The following VASH2 variants were observed in gnomAD, a reference collection of about 807,000 sequenced individuals.
VASH2 encodes tubulinyl-Tyr carboxypeptidase 2.
In VASH2, 28 loss-of-function variants were observed where a neutral mutation model predicts 37.2. That is an observed-to-expected ratio of 0.75 (90% CI 0.56 to 1.03). VASH2 has a LOEUF of 1.03. VASH2 is among the 50% of genes least tolerant of loss of function. The probability of loss-of-function intolerance (pLI) is 0.00; values close to 1 mark genes in which losing one functional copy is unlikely to be tolerated. For synonymous variants in VASH2, 188 were observed against 174.7 expected (o/e 1.08, Z -0.60); for missense variants, 419 against 459.1 (o/e 0.91, Z 0.80).
intron 2 of VASH2, chr1:212,952,462 T>C (rs534016133): frequency 1.0e-4 from 16 of 152,670 alleles, no homozygotes; most frequent in African/African-American, 3.8e-4. Context: ...AGAAAGACTT[T>C]TGGCTGAGAC....
Position 212,990,516 on chromosome 1 carries a change from A to G in VASH2, c.*1932A>G, listed in dbSNP as rs1165423709. ...CTTACATCTAATAAGTAGACCTCTT[A>G]TAACACTGCAACCATTCTAAGAGTT... On this transcript the variant is annotated 3_prime_UTR_variant, in exon 8 of 8. Transcript: ENST00000517399. 2.0e-5 allele frequency: 3 copies of G among 152,228 alleles called. No individual in the cohort carries two copies. In the East Asian group the frequency reaches 5.8e-4, roughly 29 times the overall value. 9.4% of individuals were successfully genotyped at this position (152,228 alleles called of 1,614,324 possible). A position where few individuals can be genotyped will look rare whatever the true frequency, so the allele number is the denominator to read the frequency against.
chr1:212,956,866 T>TA (rs2102620876), intron 2 of VASH2, among the ~76,000 whole-genome samples: 1 of 152,322 alleles, frequency 6.6e-6, no homozygotes, highest in South Asian at 2.1e-4. Flanking sequence ...GAGAGAGAGA[T>TA]ATATATATGA....
chr1:212,974,581 A>T (rs1197921159), intron 7 of VASH2: 1 of 151,952 alleles, frequency 6.6e-6, no homozygotes, highest in Non-Finnish European at 1.5e-5. Flanking sequence ...GGCTAACTCT[A>T]CCCTCTCCGT....
In VASH2 at chr1:212,951,473, GC is replaced by G. The variant is rs1666301099; in HGVS notation, c.-64del. 4.0e-6 allele frequency: 4 copies of G among 993,368 alleles called. No individual in the cohort carries two copies. The highest frequency in any genetic ancestry group is 5.6e-5 in the East Asian group (1 of 17,888). The allele number at this position is 993,368 out of a possible 1,614,324, so 61.5% of individuals were successfully genotyped here. Reference sequence around the variant, plus strand: ...CCCCTCGCCGCGCCCGCGCGCACACGCCCCCCGCCGCCGCCGCCGCTGCCGC... The same window carrying G: ...CCCCTCGCCGCGCCCGCGCGCACACGCCCCCGCCGCCGCCGCCGCTGCCGC... On this transcript the variant is annotated 5_prime_UTR_variant, in exon 2 of 8. Coordinates refer to ENST00000517399, the MANE Select transcript of VASH2 (RefSeq NM_001301056.2). This position sits in a 1 kb window ranked among gnomAD's most constrained non-coding sequence, Gnocchi z 4.4.
chr1:212,956,579 T>A (rs114357039), intron 2 of VASH2, among the ~76,000 whole-genome samples: 2,750 of 152,202 alleles, frequency 0.018, 37 homozygotes, highest in Non-Finnish European at 0.03. Flanking sequence ...GGGACCCCAG[T>A]CACGAACAGA....
intron 5 of VASH2, 92 bp from the exon 6 acceptor site, chr1:212,972,488 C>A: frequency 6.7e-7 from 1 of 1,497,200 alleles, no homozygotes. Flanking sequence ...GGGGGATGGA[C>A]TCACTGAACC....
chr1:212,958,981 G>C (rs1275274998), intron 2 of VASH2, among the ~76,000 whole-genome samples: 1 of 151,800 alleles, frequency 6.6e-6, no homozygotes, highest in Non-Finnish European at 1.5e-5. Context: ...TGCCCACCTC[G>C]GCCTCCCAAA....
chr1:212,968,480 C>G (rs913967686), intron 5 of VASH2: 1 of 985,310 alleles, frequency 1.0e-6, no homozygotes, highest in African/African-American at 1.7e-5. Flanking sequence ...AATCTCTGTG[C>G]CTCTCTGCAG....
chr1:212,973,076 A>G, intron 6 of VASH2, 115 bp downstream of exon 6: 1 of 1,369,672 alleles, frequency 7.3e-7, no homozygotes. Context: ...TCTTGAGGTT[A>G]AAGTCTCTCT....
At chr1:212,986,642 A>C (rs1209263112) in intron 7 of VASH2, among the ~76,000 whole-genome samples, 1 of 152,198 alleles carries the variant, frequency 6.6e-6, no homozygotes, top group Admixed American at 6.5e-5. Flanking sequence ...GGCCTGTAGC[A>C]GTGGCTTTGT....
intron 7 of VASH2, among the ~76,000 whole-genome samples, chr1:212,985,808 T>C (rs1176306241): frequency 6.6e-6 from 1 of 152,194 alleles, no homozygotes; most frequent in African/African-American, 2.4e-5. Flanking sequence ...GAAGGGCACA[T>C]ACCAGTTGTC....
At position 212,987,508 on chromosome 1, in the gene VASH2, AG is replaced by A. The variant is rs1226979417; in HGVS notation, c.996-1002del. ...AGAATCACTTGAACTGGGGAGGCAGAGGTTGCAGTGAGCCAAGATTGTGCCA... is the reference window on the plus strand; with the variant it reads ...AGAATCACTTGAACTGGGGAGGCAGAGTTGCAGTGAGCCAAGATTGTGCCA... On this transcript the variant is annotated intron_variant, in intron 7 of 7. Transcript: ENST00000517399. Among the ~76,000 whole-genome samples, 3 of 152,228 alleles carry A rather than the reference AG, an allele frequency of 2.0e-5. No individual in the cohort carries two copies. The East Asian group carries it at 5.8e-4, about 29-fold the overall frequency.
chr1:212,957,250 A>G (rs887193047), intron 2 of VASH2, among the ~76,000 whole-genome samples: 1 of 152,244 alleles, frequency 6.6e-6, no homozygotes, highest in Non-Finnish European at 1.5e-5. Context: ...ACCATCGTAT[A>G]TTCCGTGGTG....
chr1:212,960,837 A>T (rs1168081042), intron 2 of VASH2, among the ~76,000 whole-genome samples: 1 of 152,000 alleles, frequency 6.6e-6, no homozygotes, highest in Admixed American at 6.6e-5. Flanking sequence ...CGGTGGGGGG[A>T]CATGATAGAA....
chr1:212,960,150 G>A (rs1303542482), intron 2 of VASH2, among the ~76,000 whole-genome samples: 1 of 152,192 alleles, frequency 6.6e-6, no homozygotes, highest in Admixed American at 6.5e-5. Flanking sequence ...TTCAGGGTAC[G>A]GCTGCTCAGA....
intron 2 of VASH2, chr1:212,952,876 G>A (rs1159011645): frequency 2.6e-5 from 4 of 152,236 alleles, no homozygotes; most frequent in Admixed American, 2.6e-4. Flanking sequence ...TGTCCTTGGA[G>A]AAGTGACAGA....
At chr1:212,973,081 C>T in intron 6 of VASH2, 120 bp downstream of exon 6, 1 of 1,315,902 alleles carries the variant, frequency 7.6e-7, no homozygotes, top group Non-Finnish European at 1.0e-6. Flanking sequence ...AGGTTAAAGT[C>T]TCTCTTTGCA....
At chr1:212,973,565 G>A (rs1392462291) in intron 6 of VASH2, 2 of 1,274,586 alleles carry the variant, frequency 1.6e-6, no homozygotes, top group African/African-American at 3.1e-5. Flanking sequence ...CATATGTGTG[G>A]GATGGGAGCA....
chr1:212,974,323 G>C (rs1667110960), intron 7 of VASH2, among the ~76,000 whole-genome samples: 2 of 152,232 alleles, frequency 1.3e-5, no homozygotes, highest in Admixed American at 1.3e-4. Context: ...GTGAAGAATA[G>C]TCTGAAATGC....
Sources: allele counts gnomAD v4.1 joint callset (sites outside exome capture counted in the v4.1 genomes callset), GRCh38; gene constraint gnomAD v4.1.1; non-coding constraint Gnocchi (gnomAD v3.1); transcripts MANE v1.5; gene names NCBI Gene and HGNC (gene_info 2026-07-23, HGNC 2026-07-21).